ROBO1: variants seen among roughly 807,000 people sequenced by gnomAD.
ROBO1 encodes roundabout homolog 1.
ROBO1 carries 149 observed loss-of-function variants against 195.9 expected under a neutral mutation model. That is an observed-to-expected ratio of 0.76 (90% CI 0.67 to 0.87). ROBO1 has a LOEUF of 0.87. Among genes scored for constraint, ROBO1 ranks in the 40% least tolerant of loss-of-function variants. The pLI, the probability that ROBO1 is intolerant of heterozygous loss-of-function variation, is 0.00. For missense variants in ROBO1, 1,933 were observed against 2,068.3 expected, an observed-to-expected ratio of 0.93 and a Z score of 1.27; for synonymous variants, 816 against 733.2, an observed-to-expected ratio of 1.11 and a Z score of -1.82.
At chr3:79,682,421 C>A (rs1288486545) in intron 1 of ROBO1, among the ~76,000 whole-genome samples, 1 of 151,894 alleles carries the variant, frequency 6.6e-6, no homozygotes, top group Non-Finnish European at 1.5e-5. Flanking sequence ...GGCTAATTAA[C>A]CAATAAATTG....
chr3:79,372,963 A>C (rs1183716126), intron 2 of ROBO1, among the ~76,000 whole-genome samples: 1 of 151,540 alleles, frequency 6.6e-6, no homozygotes, highest in Non-Finnish European at 1.5e-5. Context: ...ATATGGGTTT[A>C]TCAGGTAATA....
chr3:79,396,423 T>C (rs1020926431), intron 2 of ROBO1, among the ~76,000 whole-genome samples: 1 of 152,084 alleles, frequency 6.6e-6, no homozygotes, highest in Non-Finnish European at 1.5e-5. Flanking sequence ...AAGGACTGTA[T>C]GCTAACAATT....
chr3:78,635,942 C>T lies in ROBO1; in HGVS notation c.3204G>A (p.Gly1068=). ...LKDGRFVNPS[G]QPTPYATTQL... ...GAGTGGTGGCGTAAGGAGTAGGCTG[C>T]CCTGATGGATTGACAAAACGCCCAT... Residue 1068 remains glycine, a synonymous_variant, in exon 23 of 31, where the codon GGG becomes GGA. Coordinates refer to ENST00000464233, the MANE Select transcript of ROBO1 (RefSeq NM_002941.4). 1 of 1,613,890 alleles carries T rather than the reference C, an allele frequency of 6.2e-7. No individual in the cohort carries two copies. The highest frequency in any genetic ancestry group is 1.1e-5 in the South Asian group (1 of 91,082).
At chr3:79,363,042 G>A (rs6784911) in intron 2 of ROBO1, among the ~76,000 whole-genome samples, 95,077 of 151,962 alleles carry the variant, frequency 0.63, 31,640 homozygotes, top group African/African-American at 0.87. Context: ...AATTTTCTCA[G>A]CCTGATGAGG....
intron 4 of ROBO1, among the ~76,000 whole-genome samples, chr3:78,917,010 T>C (rs1232489757): frequency 6.6e-6 from 1 of 152,154 alleles, no homozygotes; most frequent in Non-Finnish European, 1.5e-5. Context: ...AAATATTTCA[T>C]TATGAGCTCT....
intron 2 of ROBO1, among the ~76,000 whole-genome samples, chr3:79,560,314 A>G (rs377136820): frequency 6.4e-5 from 9 of 141,422 alleles, no homozygotes; most frequent in Admixed American, 3.0e-4. Context: ...ATTCTCACTC[A>G]CAGGTGGGAA....
intron 2 of ROBO1, among the ~76,000 whole-genome samples, chr3:79,166,278 G>A (rs2081061755): frequency 6.6e-6 from 1 of 152,194 alleles, no homozygotes; most frequent in Non-Finnish European, 1.5e-5. Flanking sequence ...AATAGAAATT[G>A]GAGAATCTTT....
chr3:78,829,602 C>T lies in ROBO1; in HGVS notation c.500-82702G>A, dbSNP rs553646395. Among the ~76,000 whole-genome samples the T allele has an allele frequency of 7.4e-4, 113 of 152,210 alleles. 1 individual carries two copies. The highest frequency in any genetic ancestry group is 2.6e-3 in the African/African-American group (106 of 41,542). On this transcript the variant is annotated intron_variant, in intron 4 of 30. Transcript: ENST00000464233. ...CAACATGAGGGGAGATCTGTGATAG[C>T]GTGAATATGGCTATGTCGACAGGAA...
intron 26 of ROBO1, among the ~76,000 whole-genome samples, chr3:78,623,976 A>G (rs1704606468): frequency 6.6e-6 from 1 of 152,150 alleles, no homozygotes; most frequent in Admixed American, 6.5e-5. Context: ...ACTTCATTCA[A>G]ATACTTAAGA....
intron 2 of ROBO1, among the ~76,000 whole-genome samples, chr3:79,452,354 A>G (rs1447085723): frequency 1.3e-5 from 2 of 151,966 alleles, no homozygotes; most frequent in Non-Finnish European, 2.9e-5. Flanking sequence ...TTCTTCCCCC[A>G]TCTGGAGCAT....
intron 4 of ROBO1, among the ~76,000 whole-genome samples, chr3:78,927,313 G>A (rs918573628): frequency 1.3e-5 from 2 of 152,120 alleles, no homozygotes; most frequent in East Asian, 1.9e-4. Context: ...AAGGAATCAC[G>A]AAGACAACCA....
chr3:79,103,495 T>C (rs1031376742), intron 3 of ROBO1, among the ~76,000 whole-genome samples: 1 of 151,796 alleles, frequency 6.6e-6, no homozygotes, highest in East Asian at 1.9e-4. Context: ...CAAATGGATG[T>C]TTTTTGTTGA....
At chr3:79,546,478 T>C (rs961065771) in intron 2 of ROBO1, among the ~76,000 whole-genome samples, 1 of 152,196 alleles carries the variant, frequency 6.6e-6, no homozygotes, top group Admixed American at 6.5e-5. Context: ...TCATTGACTT[T>C]TTTTGTCAAA....
chr3:78,916,786 G>T lies in ROBO1; in HGVS notation c.499+21815C>A, dbSNP rs74360673. On this transcript the variant is annotated intron_variant, in intron 4 of 30. Coordinates refer to ENST00000464233, the MANE Select transcript of ROBO1 (RefSeq NM_002941.4). ...GAAATTACTATCTAGCTTAGTTCAC[G>T]TGGGTAAGGGTCTGGATAGACATTA... Among the ~76,000 whole-genome samples, 741 of 152,090 alleles carry T rather than the reference G, an allele frequency of 4.9e-3. 6 individuals are homozygous for T. Among genetic ancestry groups the T allele is most frequent in the African/African-American group, 0.017 (703 of 41,486 alleles).
intron 2 of ROBO1, among the ~76,000 whole-genome samples, chr3:79,249,841 G>A (rs1184590552): frequency 6.6e-6 from 1 of 152,070 alleles, no homozygotes; most frequent in African/African-American, 2.4e-5. Context: ...TACAGACTTT[G>A]GATAGAAAAA....
intron 2 of ROBO1, among the ~76,000 whole-genome samples, chr3:79,442,292 T>C (rs1171618564): frequency 6.6e-6 from 1 of 152,150 alleles, no homozygotes; most frequent in Non-Finnish European, 1.5e-5. Context: ...AACTCATCTA[T>C]AATATATCAC....
chr3:79,270,179 TTCTC>T (rs138141200), intron 2 of ROBO1, among the ~76,000 whole-genome samples: 3,479 of 140,662 alleles, frequency 0.025, 74 homozygotes, highest in South Asian at 0.087. Context: ...ATACATAATG[TTCTC>T]TCTCTCTCTC....
At chr3:79,162,291 T>C (rs1162234767) in intron 2 of ROBO1, among the ~76,000 whole-genome samples, 1 of 151,856 alleles carries the variant, frequency 6.6e-6, no homozygotes, top group Non-Finnish European at 1.5e-5. Flanking sequence ...AGATATAGCA[T>C]CCAAAATATT....
chr3:78,734,806 C>T (rs1343629180), intron 5 of ROBO1, among the ~76,000 whole-genome samples: 1 of 152,060 alleles, frequency 6.6e-6, no homozygotes, highest in Non-Finnish European at 1.5e-5. Flanking sequence ...CCCAAAAGCA[C>T]CAGAGATTAT....
Sources: allele counts gnomAD v4.1 joint callset (sites outside exome capture counted in the v4.1 genomes callset), GRCh38; gene constraint gnomAD v4.1.1; transcripts MANE v1.5; gene names NCBI Gene and HGNC (gene_info 2026-07-23, HGNC 2026-07-21).